Variants in TRERF1 observed in about 807,000 individuals in gnomAD.
The protein encoded by TRERF1 is transcriptional regulating factor 1.
A neutral mutation model predicts 122.9 loss-of-function variants in TRERF1; 27 were observed. That is an observed-to-expected ratio of 0.22 (90% confidence interval 0.16 to 0.30). The LOEUF (loss-of-function observed/expected upper bound fraction) is 0.30, where lower values mean the gene tolerates loss of function less well. Ranked by LOEUF, TRERF1 falls within the 10% of genes least tolerant of loss-of-function variation. The probability of loss-of-function intolerance (pLI) is 1.00; values close to 1 mark genes in which losing one functional copy is unlikely to be tolerated. For missense variants in TRERF1, 1,248 were observed against 1,560.3 expected (o/e 0.80, Z 3.37); for synonymous variants, 636 against 641.7 (o/e 0.99, Z 0.13).
intron 3 of TRERF1, among the ~76,000 whole-genome samples, chr6:42,341,319 C>T (rs1435123350): frequency 6.6e-6 from 1 of 152,262 alleles, no homozygotes; most frequent in Non-Finnish European, 1.5e-5. Context: ...ATCCTCAGTA[C>T]TGGCCAAATA....
At position 42,269,908 on chromosome 6, in the gene TRERF1, T is replaced by C. The variant is rs1456600735; in HGVS notation, c.-258-60A>G. ...TATTTGGATGTTTTGTGATGAGCAA[T>C]TGATATCCACCATGACCAGTGATAA... On this transcript the variant is annotated intron_variant, in intron 4 of 17. Transcript: ENST00000372922. The surrounding 1 kb of genome is among the most constrained non-coding windows in gnomAD (Gnocchi z 4.9). The C allele has an allele frequency of 5.8e-6, 2 of 345,460 alleles. No individual in the cohort carries two copies. The highest frequency in any genetic ancestry group is 1.0e-5 in the Non-Finnish European group (2 of 197,256). 21.4% of individuals were successfully genotyped at this position (345,460 alleles called of 1,614,324 possible). A position where few individuals can be genotyped will look rare whatever the true frequency, so the allele number is the denominator to read the frequency against.
intron 3 of TRERF1, among the ~76,000 whole-genome samples, chr6:42,353,532 G>C (rs1769894072): frequency 6.6e-6 from 1 of 151,952 alleles, no homozygotes; most frequent in South Asian, 2.1e-4. Context: ...AGGCTGCAGT[G>C]AACCAATATC....
At chr6:42,417,084 C>A (rs1461942606) in intron 2 of TRERF1, among the ~76,000 whole-genome samples, 1 of 152,116 alleles carries the variant, frequency 6.6e-6, no homozygotes, top group Non-Finnish European at 1.5e-5. Flanking sequence ...AAGGCCTCAT[C>A]TTTTCTCACC....
intron 2 of TRERF1, among the ~76,000 whole-genome samples, chr6:42,391,791 G>T (rs1006512958): frequency 1.3e-5 from 2 of 152,132 alleles, no homozygotes; most frequent in African/African-American, 4.8e-5. Flanking sequence ...GGGCTGGAGG[G>T]TTCTATGTAC....
At chr6:42,330,141 C>A (rs532224146) in intron 3 of TRERF1, among the ~76,000 whole-genome samples, 3 of 152,008 alleles carry the variant, frequency 2.0e-5, no homozygotes, top group Admixed American at 1.3e-4. Context: ...AATAACCACA[C>A]GAGCAAAAAA....
chr6:42,364,972 C>G (rs1469502358), intron 2 of TRERF1, among the ~76,000 whole-genome samples: 1 of 152,102 alleles, frequency 6.6e-6, no homozygotes, highest in African/African-American at 2.4e-5. Context: ...GTCTCTTTCT[C>G]TGAGTGCAAG....
intron 16 of TRERF1, among the ~76,000 whole-genome samples, chr6:42,234,125 T>C (rs9367137): frequency 0.39 from 59,017 of 151,878 alleles, 13,928 homozygotes; most frequent in African/African-American, 0.67. Flanking sequence ...AAAGTTATGA[T>C]AAATTCCAGA....
At chr6:42,274,627 C>A (rs146705256) in intron 4 of TRERF1, among the ~76,000 whole-genome samples, 1 of 151,672 alleles carries the variant, frequency 6.6e-6, no homozygotes, top group Non-Finnish European at 1.5e-5. Flanking sequence ...TGCAGTGAGC[C>A]GAGATCAAGC....
In TRERF1 at chr6:42,305,403, G is replaced by A. The variant is rs143026546; in HGVS notation, c.-370-4654C>T. Among the ~76,000 whole-genome samples, 321 of 152,236 alleles carry A rather than the reference G, an allele frequency of 2.1e-3. 2 individuals are homozygous for A. Among genetic ancestry groups the A allele is most frequent in the African/African-American group, 7.2e-3 (299 of 41,524 alleles). The stretch of plus-strand genomic sequence containing the variant: ...ACCTCAGTTTCCCTTCTATACAATG[G>A]GGGTGACAAATGCCGCCTCACAGGC... On this transcript the variant is annotated intron_variant, in intron 3 of 17. Coordinates refer to ENST00000372922, the Ensembl canonical transcript of TRERF1.
At chr6:42,373,420 C>A (rs1270050341) in intron 2 of TRERF1, among the ~76,000 whole-genome samples, 4 of 152,208 alleles carry the variant, frequency 2.6e-5, no homozygotes, top group South Asian at 2.1e-4. Context: ...GCAATCCCAG[C>A]ACTTTGGGAG....
intron 3 of TRERF1, among the ~76,000 whole-genome samples, chr6:42,334,863 C>G (rs1004052733): frequency 3.9e-5 from 6 of 152,234 alleles, no homozygotes; most frequent in Admixed American, 2.0e-4. Flanking sequence ...GCATCGGGGA[C>G]AGGAATCAGC....
At chr6:42,422,576 T>C (rs557380473) in intron 2 of TRERF1, among the ~76,000 whole-genome samples, 53 of 151,448 alleles carry the variant, frequency 3.5e-4, no homozygotes, top group Non-Finnish European at 5.7e-4. Context: ...CTTTACCTTC[T>C]GGAACCATGC....
rs1417561589 is a variant in TRERF1 at position 42,259,837 on chromosome 6, C to T, written c.1885-114G>A. 1 of 1,408,212 alleles carries T rather than the reference C, an allele frequency of 7.1e-7. No homozygotes were observed. Among genetic ancestry groups the T allele is most frequent in the Non-Finnish European group, 9.5e-7 (1 of 1,048,046 alleles). 87.2% of individuals were successfully genotyped at this position (1,408,212 alleles called of 1,614,324 possible). ...CTAAGCAGAGAGCCCTTCTGCTTGA[C>T]CCCCCCACCCCCAACGCCCCCACAT... On this transcript the variant is annotated intron_variant, in intron 8 of 17. Transcript: ENST00000372922. The surrounding 1 kb of genome is among the most constrained non-coding windows in gnomAD (Gnocchi z 4.9).
In TRERF1 at chr6:42,232,460, C is replaced by T. The variant is rs1233064936; in HGVS notation, c.3278+221G>A. Among the ~76,000 whole-genome samples the T allele has an allele frequency of 6.6e-6, 1 of 152,166 alleles. No individual in the cohort carries two copies. Among genetic ancestry groups the T allele is most frequent in the Non-Finnish European group, 1.5e-5 (1 of 68,028 alleles). On this transcript the variant is annotated intron_variant, in intron 17 of 17. Transcript: ENST00000372922. This position sits in a 1 kb window ranked among gnomAD's most constrained non-coding sequence, Gnocchi z 4.5. ...AAGTTTTGTAACTTACAGGTTCACTCTCTGAAGATATCCATCCTTACAAGG... is the reference window on the plus strand; with the variant it reads ...AAGTTTTGTAACTTACAGGTTCACTTTCTGAAGATATCCATCCTTACAAGG...
intron 2 of TRERF1, among the ~76,000 whole-genome samples, chr6:42,432,024 C>A (rs1784575727): frequency 6.6e-6 from 1 of 152,172 alleles, no homozygotes; most frequent in African/African-American, 2.4e-5. Context: ...ACAGTACAGG[C>A]TCTAGGGTCA....
intron 2 of TRERF1, among the ~76,000 whole-genome samples, chr6:42,389,096 A>C (rs967659336): frequency 5.3e-5 from 8 of 152,344 alleles, no homozygotes; most frequent in African/African-American, 1.9e-4. Flanking sequence ...AATTGGAGAG[A>C]GGGGGTACTT....
At position 42,329,897 on chromosome 6, in the gene TRERF1, G is replaced by A. The variant is rs1362091103; in HGVS notation, c.-370-29148C>T. 3.3e-5 allele frequency among the ~76,000 whole-genome samples: 5 copies of A among 152,068 alleles called. No individual in the cohort carries two copies. The East Asian group carries it at 9.6e-4, about 29-fold the overall frequency. Reference sequence around the variant, plus strand: ...CCAGCTACTCCGGAGGCTGAGGCAGGAGAATGGCATGAACCCGGGAGGCAG... The same window carrying A: ...CCAGCTACTCCGGAGGCTGAGGCAGAAGAATGGCATGAACCCGGGAGGCAG... On this transcript the variant is annotated intron_variant, in intron 3 of 17. Transcript: ENST00000372922.
intron 3 of TRERF1, among the ~76,000 whole-genome samples, chr6:42,335,349 A>G (rs758944665): frequency 4.6e-5 from 7 of 152,154 alleles, no homozygotes; most frequent in Non-Finnish European, 7.3e-5. Context: ...AGCCAACCAC[A>G]CTTACTAGTA....
intron 2 of TRERF1, among the ~76,000 whole-genome samples, chr6:42,403,468 C>T (rs1779716022): frequency 6.6e-6 from 1 of 152,098 alleles, no homozygotes; most frequent in African/African-American, 2.4e-5. Context: ...TGCTACAAGC[C>T]AAGAAACACC....
Sources: gnomAD v4.1 joint callset for allele counts (sites outside exome capture counted in the v4.1 genomes callset) on GRCh38, gnomAD v4.1.1 for gene constraint, Gnocchi (gnomAD v3.1) non-coding constraint, MANE v1.5 for transcripts, NCBI Gene and HGNC (gene_info 2026-07-23, HGNC 2026-07-21) for gene names.